The following DDX31 variants were observed in gnomAD, a reference collection of about 807,000 sequenced individuals.
DDX31 encodes the protein DEAD-box helicase 31, also known as ATP-dependent DNA helicase DDX31.
Under a neutral mutation model 91.3 loss-of-function variants are expected in DDX31, and 70 were observed. The ratio of observed to expected loss-of-function variants is 0.77; its 90% CI spans 0.63 to 0.94. The LOEUF is 0.94. Among genes scored for constraint, DDX31 ranks in the 40% least tolerant of loss-of-function variants. DDX31 has a pLI of 0.00. For missense variants in DDX31, 902 were observed against 925.0 expected (o/e 0.98, Z 0.32); for synonymous variants, 362 against 350.6 (o/e 1.03, Z -0.36).
In DDX31 at chr9:132,646,973, C is replaced by T. The variant is rs759656135; in HGVS notation, c.1053G>A (p.Lys351=). Residue 351 remains lysine (K), a synonymous_variant, in exon 12 of 20, where the codon AAG becomes AAA. Transcript: ENST00000372159. The part of the protein sequence containing the change: ...LDKSHDQLNP[K]DKAVQEVCPP... ...GACAGACCTCCTGGACCGCTTTGTCCTTTGGGTTCAACTGGTCATGGCTCT... is the reference window on the plus strand; with the variant it reads ...GACAGACCTCCTGGACCGCTTTGTCTTTTGGGTTCAACTGGTCATGGCTCT... 2.4e-5 allele frequency: 38 copies of T among 1,614,082 alleles called. No individual in the cohort carries two copies. In the South Asian group the frequency reaches 4.1e-4, roughly 17 times the overall value.
At chr9:132,642,153 A>C in intron 13 of DDX31, 90 bp from the exon 14 acceptor site, 1 of 1,137,360 alleles carries the variant, frequency 8.8e-7, no homozygotes, top group Non-Finnish European at 1.3e-6. Context: ...TCCATCTCCT[A>C]CTGCTAGAGC....
intron 6 of DDX31, among the ~76,000 whole-genome samples, chr9:132,654,132 C>A (rs1357460445): frequency 6.6e-6 from 1 of 151,950 alleles, no homozygotes; most frequent in Non-Finnish European, 1.5e-5. Flanking sequence ...AACTCAGAAA[C>A]CTTAAAATAA....
intron 1 of DDX31, 86 bp downstream of exon 1, chr9:132,669,774 C>A: frequency 6.6e-7 from 1 of 1,520,416 alleles, no homozygotes; most frequent in Non-Finnish European, 8.8e-7. Flanking sequence ...GACTCGAAAC[C>A]CGACTCCAAG....
intron 5 of DDX31, 139 bp from the exon 6 acceptor site, chr9:132,658,874 T>C (rs17149428): frequency 5.7e-6 from 4 of 707,060 alleles, no homozygotes; most frequent in Non-Finnish European, 4.5e-6. Context: ...CCATTATACA[T>C]CCAAGAGAAG....
chr9:132,599,218 A>G (rs1830599304), intron 19 of DDX31, among the ~76,000 whole-genome samples: 3 of 152,190 alleles, frequency 2.0e-5, no homozygotes, highest in Admixed American at 2.0e-4. Flanking sequence ...TAGTATCCCC[A>G]CTTCCTGGTA....
In DDX31 at chr9:132,662,228, A is replaced by C. The variant is rs200963933; in HGVS notation, c.408+33T>G. ...TCTGAACGGACAAACACACCAAAAA[A>C]AACTGACCCAGAAAACACTGAAAGG... On this transcript the variant is annotated intron_variant, in intron 3 of 19. Transcript: ENST00000372159. 5.4e-4 allele frequency: 863 copies of C among 1,612,320 alleles called. 9 individuals are homozygous for C. In the African/African-American group the frequency reaches 0.01, roughly 19 times the overall value.
intron 17 of DDX31, among the ~76,000 whole-genome samples, chr9:132,619,538 A>G (rs549107775): frequency 5.4e-4 from 82 of 152,336 alleles, no homozygotes; most frequent in African/African-American, 1.8e-3. Flanking sequence ...AAAGGGGAGG[A>G]AAGAAAAAGC....
chr9:132,619,650 A>C (rs1831882252), intron 17 of DDX31, among the ~76,000 whole-genome samples: 1 of 152,198 alleles, frequency 6.6e-6, no homozygotes, highest in South Asian at 2.1e-4. Context: ...TTGGTTGATG[A>C]CAGTCTCGCT....
chr9:132,622,344 G>C (rs1832081928), intron 17 of DDX31, among the ~76,000 whole-genome samples: 1 of 151,054 alleles, frequency 6.6e-6, no homozygotes, highest in African/African-American at 2.4e-5. Context: ...CTTGAGGCTG[G>C]CCTCAAGCCA....
intron 1 of DDX31, 142 bp from the exon 2 acceptor site, chr9:132,662,837 G>C: frequency 8.3e-7 from 1 of 1,207,300 alleles, no homozygotes; most frequent in Non-Finnish European, 1.1e-6. Context: ...AACAGTTTAG[G>C]GTTTGCAATC....
rs764520207 is a variant in DDX31, at chr9:132,669,911, G to C, written c.24C>G (p.Leu8=). 6.3e-7 allele frequency: 1 copy of C among 1,596,968 alleles called. No homozygotes were observed. Among genetic ancestry groups the C allele is most frequent in the Non-Finnish European group, 8.5e-7 (1 of 1,172,780 alleles). The change falls in exon 1 of 20, where the codon CTC becomes CTG. Residue 8 remains leucine (L), a synonymous_variant. Coordinates refer to ENST00000372159, the MANE Select transcript of DDX31 (RefSeq NM_022779.9). The part of the protein sequence containing the change: MAAADGS[L]FDNPRTFSRR... ...TGGAGAACGTCCTGGGGTTGTCGAA[G>C]AGCGAACCGTCGGCGGCTGCCATGG...
Position 132,647,072 on chromosome 9 carries a change from A to C in DDX31, c.968-14T>G. 1 of 1,534,594 alleles carries C rather than the reference A, an allele frequency of 6.5e-7. No homozygotes were observed. Among genetic ancestry groups the C allele is most frequent in the Non-Finnish European group, 8.8e-7 (1 of 1,139,926 alleles). On this transcript the variant is annotated splice_polypyrimidine_tract_variant and intron_variant, in intron 11 of 19. Transcript: ENST00000372159. ...GCCGCGTTACACCTTGGATAAAAGTAAGAAGGGCAAAGCAGACAACAAACA... is the reference window on the plus strand; with the variant it reads ...GCCGCGTTACACCTTGGATAAAAGTCAGAAGGGCAAAGCAGACAACAAACA...
chr9:132,611,941 C>A, intron 19 of DDX31, 146 bp downstream of exon 19: 1 of 1,191,140 alleles, frequency 8.4e-7, no homozygotes, highest in Non-Finnish European at 1.2e-6. Context: ...GATGAGGTGG[C>A]TTTCTTCTCA....
At chr9:132,646,170 T>C in intron 12 of DDX31, 99 bp from the exon 13 acceptor site, 4 of 1,255,310 alleles carry the variant, frequency 3.2e-6, no homozygotes, top group Admixed American at 2.7e-5. Flanking sequence ...TGACCCCCAT[T>C]TGGAAATAAA....
At chr9:132,629,540 T>C (rs1381639038) in intron 16 of DDX31, among the ~76,000 whole-genome samples, 1 of 152,260 alleles carries the variant, frequency 6.6e-6, no homozygotes, top group Non-Finnish European at 1.5e-5. Flanking sequence ...GGCTGCCTGC[T>C]AGGATGTTTT....
At position 132,659,796 on chromosome 9, in the gene DDX31, A is replaced by C; in HGVS notation, c.453-16T>G. On this transcript the variant is annotated splice_polypyrimidine_tract_variant and intron_variant, in intron 4 of 19. Transcript: ENST00000372159. ...CTTCTGAACACTGGGCCACCCGAAA[A>C]AAAGAACACACTTTACCTATATTAC... 1 of 1,611,450 alleles carries C rather than the reference A, an allele frequency of 6.2e-7. No individual in the cohort carries two copies. The highest frequency in any genetic ancestry group is 8.5e-7 in the Non-Finnish European group (1 of 1,178,554).
At position 132,648,245 on chromosome 9, in the gene DDX31, A is replaced by T. The variant is rs1833956966; in HGVS notation, c.911T>A (p.Val304Glu). The T allele has an allele frequency of 1.2e-6, 2 of 1,613,908 alleles. No individual in the cohort carries two copies. Among genetic ancestry groups the T allele is most frequent in the Non-Finnish European group, 8.5e-7 (1 of 1,179,994 alleles). The change falls in exon 11 of 20, where the codon GTA becomes GAA. Residue 304 changes from valine to glutamate, a missense_variant. Transcript: ENST00000372159. Reference sequence around the variant, plus strand: ...CTGTCGTTTTTGGCATTCAGCATTTACAGCATTAAGTATCACTGTGATGTC... The same window carrying T: ...CTGTCGTTTTTGGCATTCAGCATTTTCAGCATTAAGTATCACTGTGATGTC... ...EKDITVILNA[V>E]NAECQKRQNV... is the part of the protein sequence containing the mutation.
chr9:132,666,067 T>C (rs1835287187), intron 1 of DDX31, among the ~76,000 whole-genome samples: 1 of 152,258 alleles, frequency 6.6e-6, no homozygotes. Context: ...TTAATCCACA[T>C]GGATTTGGTT....
intron 15 of DDX31, 125 bp downstream of exon 15, chr9:132,631,916 T>C: frequency 1.2e-6 from 1 of 831,534 alleles, no homozygotes; most frequent in Non-Finnish European, 1.9e-6. Context: ...TAAGGCTGGT[T>C]TGCTGCCTGG....
Sources: gnomAD v4.1 joint callset for allele counts (sites outside exome capture counted in the v4.1 genomes callset) on GRCh38, gnomAD v4.1.1 for gene constraint, MANE v1.5 for transcripts, NCBI Gene and HGNC (gene_info 2026-07-23, HGNC 2026-07-21) for gene names.